Variants in ASTN2 observed in about 807,000 individuals in gnomAD.
The protein encoded by ASTN2 is astrotactin 2.
ASTN2 carries 54 observed loss-of-function variants against 139.8 expected under a neutral mutation model. The ratio of observed to expected loss-of-function variants is 0.39; its 90% CI spans 0.31 to 0.48. The LOEUF (loss-of-function observed/expected upper bound fraction) is 0.48. ASTN2 is among the 20% of genes least tolerant of loss of function. The pLI is 0.95. For missense variants in ASTN2, 1,565 were observed against 1,725.1 expected (o/e 0.91, Z 1.64); for synonymous variants, 756 against 719.5 (o/e 1.05, Z -0.81).
intron 4 of ASTN2, among the ~76,000 whole-genome samples, chr9:117,118,517 A>G (rs1450315571): frequency 1.3e-5 from 2 of 152,154 alleles, no homozygotes; most frequent in Non-Finnish European, 2.9e-5. Context: ...GCTTTCTGAC[A>G]CTCTCCAGGC....
intron 11 of ASTN2, among the ~76,000 whole-genome samples, chr9:116,838,594 T>TTC (rs1832091923): frequency 6.7e-6 from 1 of 149,954 alleles, no homozygotes; most frequent in African/African-American, 2.5e-5. Context: ...CAGCAATTTT[T>TTC]TTTTTTTTTT....
chr9:117,042,035 A>G (rs1290636923), intron 5 of ASTN2, among the ~76,000 whole-genome samples: 1 of 152,200 alleles, frequency 6.6e-6, no homozygotes, highest in Non-Finnish European at 1.5e-5. Context: ...GTCCCAGTAA[A>G]TAGCACAGTG....
chr9:116,594,260 A>G (rs1417017792), intron 19 of ASTN2, among the ~76,000 whole-genome samples: 3 of 152,148 alleles, frequency 2.0e-5, no homozygotes. Context: ...ATGATCCTTC[A>G]TAACTGTTTC....
chr9:116,948,101 G>A (rs1370665939), intron 10 of ASTN2, among the ~76,000 whole-genome samples: 1 of 152,102 alleles, frequency 6.6e-6, no homozygotes, highest in Non-Finnish European at 1.5e-5. Context: ...TCTTTGATAG[G>A]GCATTCTATC....
intron 2 of ASTN2, among the ~76,000 whole-genome samples, chr9:117,280,045 A>C (rs1275320853): frequency 6.6e-6 from 1 of 151,998 alleles, no homozygotes; most frequent in Admixed American, 6.6e-5. Context: ...AGTTTCCTCC[A>C]ATTTGTGACA....
chr9:116,641,510 T>C (rs1857328465), intron 17 of ASTN2, among the ~76,000 whole-genome samples: 1 of 152,142 alleles, frequency 6.6e-6, no homozygotes, highest in African/African-American at 2.4e-5. Context: ...GCCAAGTACA[T>C]AAAGTGCTTT....
chr9:117,289,391 C>T (rs1024146421), intron 2 of ASTN2, among the ~76,000 whole-genome samples: 2 of 152,162 alleles, frequency 1.3e-5, no homozygotes, highest in Non-Finnish European at 2.9e-5. Context: ...CGAAGCTGAA[C>T]TCACTGAGCA....
chr9:117,371,260 G>A (rs1829982956), intron 1 of ASTN2, among the ~76,000 whole-genome samples: 1 of 152,182 alleles, frequency 6.6e-6, no homozygotes, highest in Non-Finnish European at 1.5e-5. Context: ...ACTAAATCCA[G>A]TTGGACATTC....
Position 116,654,578 on chromosome 9 carries a change from A to G in ASTN2, c.2807-2785T>C, listed in dbSNP as rs1292804248. On this transcript the variant is annotated intron_variant, in intron 16 of 22. Transcript: ENST00000313400. ...ATTTCAAAAACTATTGAAAGAACAC[A>G]CTGGTATGCTGATCTAGTACAAATC... 2.0e-5 allele frequency among the ~76,000 whole-genome samples: 3 copies of G among 152,336 alleles called. No homozygotes were observed. In the East Asian group the frequency reaches 5.8e-4, roughly 29 times the overall value.
At chr9:116,987,899 C>T (rs1836731609) in intron 7 of ASTN2, among the ~76,000 whole-genome samples, 1 of 152,174 alleles carries the variant, frequency 6.6e-6, no homozygotes, top group South Asian at 2.1e-4. Context: ...TGATGACCAG[C>T]AATTAGCATA....
At chr9:116,515,603 C>T (rs1364111008) in intron 19 of ASTN2, among the ~76,000 whole-genome samples, 1 of 152,150 alleles carries the variant, frequency 6.6e-6, no homozygotes, top group Non-Finnish European at 1.5e-5. Context: ...TAGGGATACA[C>T]TCTACTTTTG....
chr9:116,972,210 T>TA (rs1470652441), intron 10 of ASTN2, among the ~76,000 whole-genome samples: 1 of 526 alleles, frequency 1.9e-3, no homozygotes, highest in East Asian at 0.25. Context: ...ATGAAACTAG[T>TA]TTTTTTTGTT....
intron 4 of ASTN2, among the ~76,000 whole-genome samples, chr9:117,125,293 T>C (rs1213846390): frequency 6.6e-6 from 1 of 152,168 alleles, no homozygotes; most frequent in Non-Finnish European, 1.5e-5. Context: ...GTTAGAAAAA[T>C]ATACACATAC....
intron 4 of ASTN2, among the ~76,000 whole-genome samples, chr9:117,127,672 GTTTTTTTTTTTTTT>G (rs11427891): frequency 4.2e-5 from 3 of 70,898 alleles, no homozygotes; most frequent in East Asian, 5.6e-4. Flanking sequence ...TTTTGTTTTG[GTTTTTTTTTTTTTT>G]TTTTTTTTTT....
chr9:116,561,026 T>C (rs890707700), intron 19 of ASTN2, among the ~76,000 whole-genome samples: 1 of 152,276 alleles, frequency 6.6e-6, no homozygotes, highest in Non-Finnish European at 1.5e-5. Flanking sequence ...CTGGGTTAGT[T>C]TGTAAAGATG....
chr9:116,543,288 T>A (rs373922756), intron 19 of ASTN2, among the ~76,000 whole-genome samples: 2 of 122,832 alleles, frequency 1.6e-5, no homozygotes, highest in Admixed American at 8.0e-5. Context: ...AAAAAAAAAA[T>A]TAGCTGGGCA....
intron 19 of ASTN2, among the ~76,000 whole-genome samples, chr9:116,531,954 A>C (rs148438762): frequency 5.1e-4 from 78 of 152,290 alleles, no homozygotes; most frequent in African/African-American, 1.8e-3. Context: ...GTCTTCCACA[A>C]TGGTTCAACT....
At chr9:116,990,070 A>C (rs571130691) in intron 7 of ASTN2, among the ~76,000 whole-genome samples, 1 of 152,258 alleles carries the variant, frequency 6.6e-6, no homozygotes, top group East Asian at 1.9e-4. Context: ...TTGAGTTTAG[A>C]GTCAGAGAGG....
At chr9:117,236,196 T>C (rs896324185) in intron 2 of ASTN2, among the ~76,000 whole-genome samples, 1 of 152,208 alleles carries the variant, frequency 6.6e-6, no homozygotes, top group African/African-American at 2.4e-5. Flanking sequence ...CGGATGGAAC[T>C]CCACACTCAA....
Sources: gnomAD v4.1 joint callset for allele counts (sites outside exome capture counted in the v4.1 genomes callset) on GRCh38, gnomAD v4.1.1 for gene constraint, MANE v1.5 for transcripts, NCBI Gene and HGNC (gene_info 2026-07-23, HGNC 2026-07-21) for gene names.